Variants in CELSR3 observed in about 807,000 individuals in gnomAD.
CELSR3 encodes EGF-like protein 1.
CELSR3 carries 73 observed loss-of-function variants against 270.0 expected under a neutral mutation model. That is an observed-to-expected ratio of 0.27 (90% CI 0.22 to 0.33). The LOEUF (loss-of-function observed/expected upper bound fraction) is 0.33. Ranked by LOEUF, CELSR3 falls within the 10% of genes least tolerant of loss-of-function variation. The probability of loss-of-function intolerance (pLI) is 1.00; values close to 1 mark genes in which losing one functional copy is unlikely to be tolerated. For missense variants in CELSR3, 3,614 were observed against 4,533.8 expected (o/e 0.80, Z 5.83); for synonymous variants, 1,780 against 1,905.4 (o/e 0.93, Z 1.71).
chr3:48,647,162 TG>T (rs2047091666), intron 20 of CELSR3, among the ~76,000 whole-genome samples: 1 of 53,772 alleles, frequency 1.9e-5, no homozygotes, highest in African/African-American at 8.1e-5. Flanking sequence ...AGGGGAGATG[TG>T]GGAGGGAGGG....
Position 48,642,957 on chromosome 3 carries a change from C to T in CELSR3, c.8406+10G>A, listed in dbSNP as rs2047043374. 2 of 1,611,094 alleles carry T rather than the reference C, an allele frequency of 1.2e-6. No individual in the cohort carries two copies. Among genetic ancestry groups the T allele is most frequent in the Non-Finnish European group, 1.7e-6 (2 of 1,178,542 alleles). ...AACTCTGGCTTCTCAGGGCCCCCAT[C>T]CCGACTCACCAGCCCAGGTGCTGGC... On this transcript the variant is annotated intron_variant, in intron 29 of 34. Coordinates refer to ENST00000164024, the MANE Select transcript of CELSR3 (RefSeq NM_001407.3). The surrounding 1 kb of genome is among the most constrained non-coding windows in gnomAD (Gnocchi z 6.1).
At position 48,644,430 on chromosome 3, in the gene CELSR3, C is replaced by T; in HGVS notation, c.8086-135G>A. 1.3e-6 allele frequency: 1 copy of T among 774,840 alleles called. No individual in the cohort carries two copies. The highest frequency in any genetic ancestry group is 1.7e-5 in the South Asian group (1 of 60,076). The allele number at this position is 774,840 out of a possible 1,614,324, so 48.0% of individuals were successfully genotyped here. On this transcript the variant is annotated intron_variant, in intron 26 of 34. Transcript: ENST00000164024. The surrounding 1 kb of genome is among the most constrained non-coding windows in gnomAD (Gnocchi z 4.8). Reference sequence around the variant, plus strand: ...TGAGAAATTCACACATATACACACACACCAAAGGAGCTTAGCATCACAGAA... The same window carrying T: ...TGAGAAATTCACACATATACACACATACCAAAGGAGCTTAGCATCACAGAA...
chr3:48,654,776 G>A lies in CELSR3; in HGVS notation c.4988+268C>T, dbSNP rs2047165979. Among the ~76,000 whole-genome samples the A allele has an allele frequency of 6.6e-6, 1 of 151,988 alleles. No homozygotes were observed. The highest frequency in any genetic ancestry group is 2.4e-5 in the African/African-American group (1 of 41,360). ...TGAGATGAAGGGACTCGGAGGGGAT[G>A]TGGGACATTAGTGAGACTGGGGTGG... On this transcript the variant is annotated intron_variant, in intron 6 of 34. Coordinates refer to ENST00000164024, the MANE Select transcript of CELSR3 (RefSeq NM_001407.3). The surrounding 1 kb of genome is among the most constrained non-coding windows in gnomAD (Gnocchi z 5.4).
Position 48,656,859 on chromosome 3 carries a change from A to G in CELSR3, c.4238T>C (p.Ile1413Thr). 6.2e-7 allele frequency: 1 copy of G among 1,609,536 alleles called. No homozygotes were observed. The highest frequency in any genetic ancestry group is 8.5e-7 in the Non-Finnish European group (1 of 1,177,908). ...GCAGCGCAGGCCAGCGATGGGCTGG[A>G]TGGGTCGGAACAGCGTGGAGGCCGA... Reference protein sequence around the residue: ...LASASTLFRPIQPIAGLRCRC... With the variant: ...LASASTLFRPTQPIAGLRCRC... Residue 1413 changes from isoleucine to threonine, a missense_variant, in exon 2 of 35, where the codon ATC becomes ACC. This residue lies in a region of CELSR3 where 1,331 missense variants were observed against 1,933.7 expected (regional missense o/e 0.69). Transcript: ENST00000164024.
In CELSR3 at chr3:48,654,298, T is replaced by C; in HGVS notation, c.5143A>G (p.Thr1715Ala). The C allele has an allele frequency of 6.2e-7, 1 of 1,613,636 alleles. No homozygotes were observed. The change falls in exon 7 of 35, where the codon ACC (threonine) becomes GCC (alanine). Residue 1715 changes from threonine (T) to alanine (A), a missense_variant. This residue lies in a region of CELSR3 where 1,331 missense variants were observed against 1,933.7 expected (regional missense o/e 0.69). Coordinates refer to ENST00000164024, the MANE Select transcript of CELSR3 (RefSeq NM_001407.3). The surrounding 1 kb of genome is among the most constrained non-coding windows in gnomAD (Gnocchi z 5.4). ...GAAGCTTCAGGCCTACCTGCCATGG[T>C]GCCATTATTTGCGACAAAAGCCGCC... ...DMAAFVANNGTMAGCQAKLHF... is the reference protein window; with the variant it reads ...DMAAFVANNGAMAGCQAKLHF...
Position 48,661,885 on chromosome 3 carries a change from G to C in CELSR3, c.750C>G (p.Arg250=). The part of the protein sequence containing the change: ...GSGPELDSAP[R]TARTAPASGS... ...CTGATGCAGGAGCTGTCCTCGCCGT[G>C]CGTGGTGCTGAATCCAGCTCGGGGC... is the stretch of plus-strand genomic sequence containing the variant. Residue 250 remains arginine, a synonymous_variant, in exon 1 of 35, where the codon CGC becomes CGG. Transcript: ENST00000164024. 2 of 1,611,588 alleles carry C rather than the reference G, an allele frequency of 1.2e-6. No homozygotes were observed. Among genetic ancestry groups the C allele is most frequent in the South Asian group, 1.1e-5 (1 of 91,036 alleles).
intron 18 of CELSR3, 104 bp downstream of exon 18, chr3:48,648,615 C>T: frequency 7.0e-7 from 1 of 1,427,790 alleles, no homozygotes; most frequent in Non-Finnish European, 9.4e-7. Flanking sequence ...GAGCCCAGGA[C>T]CTTCACTTCC....
chr3:48,648,976 C>T lies in CELSR3; in HGVS notation c.6568-48G>A, dbSNP rs773174931. On this transcript the variant is annotated intron_variant, in intron 17 of 34. Coordinates refer to ENST00000164024, the MANE Select transcript of CELSR3 (RefSeq NM_001407.3). ...GCTCTGTGGTCCCTTAGGCCTTCCT[C>T]TAAAGCTTCACAGGGAGAAAGCCTT... 1.4e-5 allele frequency: 23 copies of T among 1,597,148 alleles called. No individual in the cohort carries two copies. In the South Asian group the frequency reaches 2.4e-4, roughly 17 times the overall value.
Position 48,640,360 on chromosome 3 carries a change from G to A in CELSR3, c.9225C>T (p.Leu3075=). 1 of 1,612,622 alleles carries A rather than the reference G, an allele frequency of 6.2e-7. No individual in the cohort carries two copies. The highest frequency in any genetic ancestry group is 1.3e-5 in the African/African-American group (1 of 75,014). Residue 3075 remains leucine (L), a synonymous_variant, in exon 34 of 35, where the codon CTC becomes CTT. Transcript: ENST00000164024. The surrounding 1 kb of genome is among the most constrained non-coding windows in gnomAD (Gnocchi z 7.5). ...RYSSREQLDL[L]LRRQLSRERL... ...GCTCACGGCTCAGTTGCCGCCGGAG[G>A]AGCAGGTCCAGCTGTTCTCTAGAAG...
Position 48,650,493 on chromosome 3 carries a change from G to T in CELSR3, c.6459C>A (p.Pro2153=), listed in dbSNP as rs184721547. The T allele has an allele frequency of 1.9e-6, 3 of 1,601,290 alleles. No homozygotes were observed. In the African/African-American group the frequency reaches 4.1e-5, roughly 22 times the overall value. Residue 2153 remains proline, a synonymous_variant, in exon 16 of 35, where the codon CCC becomes CCA. Coordinates refer to ENST00000164024, the MANE Select transcript of CELSR3 (RefSeq NM_001407.3). This position sits in a 1 kb window ranked among gnomAD's most constrained non-coding sequence, Gnocchi z 5.1. The stretch of plus-strand genomic sequence containing the variant: ...CCACATACTCACCCAGGGCCCCCCG[G>T]GGACAGGGCACTGTGGCCAGGACGC... The part of the protein sequence containing the change: ...KFGVLATVPC[P]RGALGAAVRL...
rs2047022064 is a variant in CELSR3 at position 48,641,067 on chromosome 3, A to G, written c.9025+257T>C. On this transcript the variant is annotated intron_variant, in intron 33 of 34. Transcript: ENST00000164024. This position sits in a 1 kb window ranked among gnomAD's most constrained non-coding sequence, Gnocchi z 4.8. ...GGGAAGCAGCTCCTAGGGTCTCTGAAAAACAGATGGGCTGGGGCAGGAGTG... is the reference window on the plus strand; with the variant it reads ...GGGAAGCAGCTCCTAGGGTCTCTGAGAAACAGATGGGCTGGGGCAGGAGTG... The G allele has an allele frequency of 2.0e-6, 1 of 510,950 alleles. No homozygotes were observed. The highest frequency in any genetic ancestry group is 2.7e-5 in the South Asian group (1 of 37,602). 31.7% of individuals were successfully genotyped at this position (510,950 alleles called of 1,614,324 possible).
Position 48,655,075 on chromosome 3 carries a change from C to T in CELSR3, c.4957G>A (p.Ala1653Thr), listed in dbSNP as rs1351819890. The T allele has an allele frequency of 9.3e-6, 15 of 1,613,712 alleles. No homozygotes were observed. The highest frequency in any genetic ancestry group is 4.4e-5 in the South Asian group (4 of 91,092). Residue 1653 changes from alanine to threonine, a missense_variant, in exon 6 of 35, where the codon GCG becomes ACG. Transcript: ENST00000164024. This position sits in a 1 kb window ranked among gnomAD's most constrained non-coding sequence, Gnocchi z 5.8. ...FGAEIGNYSCAAAGVQTSSKK... is the reference protein window; with the variant it reads ...FGAEIGNYSCTAAGVQTSSKK... Reference sequence around the variant, plus strand: ...GAGCTTGTTTGCACACCAGCAGCCGCGCATGAGTAGTTGCCAATCTCAGCA... The same window carrying T: ...GAGCTTGTTTGCACACCAGCAGCCGTGCATGAGTAGTTGCCAATCTCAGCA...
Position 48,655,273 on chromosome 3 carries a change from C to T in CELSR3, c.4830+33G>A. 3 of 1,614,014 alleles carry T rather than the reference C, an allele frequency of 1.9e-6. No individual in the cohort carries two copies. Among genetic ancestry groups the T allele is most frequent in the African/African-American group, 2.7e-5 (2 of 75,008 alleles). On this transcript the variant is annotated intron_variant, in intron 5 of 34. Coordinates refer to ENST00000164024, the MANE Select transcript of CELSR3 (RefSeq NM_001407.3). This position sits in a 1 kb window ranked among gnomAD's most constrained non-coding sequence, Gnocchi z 5.8. ...AGGAGCAGAAGTCAGCATCCCAACT[C>T]CCCTCATACCCGATGCCAGGGATGG... is the stretch of plus-strand genomic sequence containing the variant.
rs2077066669 is a variant in CELSR3 at position 48,661,606 on chromosome 3, C to T, written c.1029G>A (p.Ala343=). The part of the protein sequence containing the change: ...LVPENEAAGT[A]VLRVVAQDPD... ...GGTCCTGAGCAACCACGCGTAGCAC[C>T]GCGGTGCCTGCTGCCTCATTCTCCG... The change falls in exon 1 of 35, where the codon GCG becomes GCA. Residue 343 remains alanine, a synonymous_variant. Coordinates refer to ENST00000164024, the MANE Select transcript of CELSR3 (RefSeq NM_001407.3). 6.2e-7 allele frequency: 1 copy of T among 1,609,092 alleles called. No homozygotes were observed. Among genetic ancestry groups the T allele is most frequent in the African/African-American group, 1.3e-5 (1 of 74,914 alleles).
rs1287444058 is a variant in CELSR3, at chr3:48,644,366, C to G, written c.8086-71G>C. On this transcript the variant is annotated intron_variant, in intron 26 of 34. Coordinates refer to ENST00000164024, the MANE Select transcript of CELSR3 (RefSeq NM_001407.3). This position sits in a 1 kb window ranked among gnomAD's most constrained non-coding sequence, Gnocchi z 4.8. ...AGAGAGAGAGAGAGGCAATGAGAGA[C>G]AGAGAGAGACTAAGATTCACGGAGA... 11 of 1,386,458 alleles carry G rather than the reference C, an allele frequency of 7.9e-6. No individual in the cohort carries two copies. Among genetic ancestry groups the G allele is most frequent in the Non-Finnish European group, 9.2e-6 (9 of 977,654 alleles). The allele number at this position is 1,386,458 out of a possible 1,614,324, so 85.9% of individuals were successfully genotyped here. A position where few individuals can be genotyped will look rare whatever the true frequency, so the allele number is the denominator to read the frequency against.
chr3:48,639,490 T>C lies in CELSR3; in HGVS notation c.9911+184A>G, dbSNP rs1288937783. ...CACACAGCCAGCAAGTCCCTGCTAG[T>C]CACACCCCCATTTCTTGCCAGATTC... is the stretch of plus-strand genomic sequence containing the variant. On this transcript the variant is annotated intron_variant, in intron 34 of 34. Coordinates refer to ENST00000164024, the MANE Select transcript of CELSR3 (RefSeq NM_001407.3). The surrounding 1 kb of genome is among the most constrained non-coding windows in gnomAD (Gnocchi z 4.1). Among the ~76,000 whole-genome samples, 1 of 152,090 alleles carries C rather than the reference T, an allele frequency of 6.6e-6. No individual in the cohort carries two copies. Among genetic ancestry groups the C allele is most frequent in the Non-Finnish European group, 1.5e-5 (1 of 68,016 alleles).
intron 20 of CELSR3, 46 bp downstream of exon 20, chr3:48,647,795 G>C: frequency 1.3e-6 from 2 of 1,585,400 alleles, no homozygotes; most frequent in Non-Finnish European, 1.7e-6. Context: ...TGGTTGGGGG[G>C]ACAGAGAGAC....
rs759795393 is a variant in CELSR3, at chr3:48,651,488, G to T, written c.6066-9C>A. On this transcript the variant is annotated splice_polypyrimidine_tract_variant and intron_variant, in intron 13 of 34. Coordinates refer to ENST00000164024, the MANE Select transcript of CELSR3 (RefSeq NM_001407.3). This position sits in a 1 kb window ranked among gnomAD's most constrained non-coding sequence, Gnocchi z 7.4. ...GGCACTGCTGGTCCATCCTGGGGGTGCAGAGCCAGGTAAGATGCCTCCACG... is the reference window on the plus strand; with the variant it reads ...GGCACTGCTGGTCCATCCTGGGGGTTCAGAGCCAGGTAAGATGCCTCCACG... The T allele has an allele frequency of 1.9e-6, 3 of 1,613,314 alleles. No homozygotes were observed. The African/African-American group carries it at 4.0e-5, about 22-fold the overall frequency.
chr3:48,648,038 T>G (rs1559478286), intron 19 of CELSR3, 42 bp from the exon 20 acceptor site: 2 of 1,604,452 alleles, frequency 1.2e-6, no homozygotes, highest in South Asian at 2.2e-5. Flanking sequence ...ATGGACCTCT[T>G]CCCCCTGCCA....
Sources: gnomAD v4.1 joint callset for allele counts (sites outside exome capture counted in the v4.1 genomes callset) on GRCh38, gnomAD v4.1.1 for gene constraint, gnomAD v4.1.1 regional missense constraint, Gnocchi (gnomAD v3.1) non-coding constraint, MANE v1.5 for transcripts, NCBI Gene and HGNC (gene_info 2026-07-23, HGNC 2026-07-21) for gene names.